The following UCHL3 variants were observed in gnomAD, a reference collection of about 807,000 sequenced individuals.
The protein encoded by UCHL3 is ubiquitin carboxyl-terminal hydrolase isozyme L3.
UCHL3 carries 22 observed loss-of-function variants against 35.8 expected under a neutral mutation model. The ratio of observed to expected loss-of-function variants is 0.61; its 90% confidence interval spans 0.44 to 0.88. The LOEUF is 0.88. Among genes scored for constraint, UCHL3 ranks in the 40% least tolerant of loss-of-function variants. The pLI is 0.00. For synonymous variants in UCHL3, 90 were observed against 92.8 expected (o/e 0.97, Z 0.17); for missense variants, 229 against 276.9 (o/e 0.83, Z 1.23).
chr13:75,577,386 T>G (rs879351886), intron 6 of UCHL3, among the ~76,000 whole-genome samples: 6 of 151,950 alleles, frequency 3.9e-5, no homozygotes, highest in Non-Finnish European at 7.3e-5. Flanking sequence ...TATTAGGTAT[T>G]ACAAGTAATC....
chr13:75,582,978 TG>T (rs1338534280), intron 6 of UCHL3, among the ~76,000 whole-genome samples: 1 of 152,220 alleles, frequency 6.6e-6, no homozygotes, highest in East Asian at 1.9e-4. Flanking sequence ...TGATGTACAC[TG>T]TTATGTCTAT....
At chr13:75,590,002 G>T in intron 6 of UCHL3, 3 of 1,304,796 alleles carry the variant, frequency 2.3e-6, no homozygotes, top group Non-Finnish European at 3.0e-6. Flanking sequence ...TCATCATTGT[G>T]TCACCATGCA....
At chr13:75,567,448 G>T in intron 5 of UCHL3, 136 bp downstream of exon 5, 2 of 703,936 alleles carry the variant, frequency 2.8e-6, no homozygotes, top group Non-Finnish European at 4.7e-6. Flanking sequence ...AAAGCCTTTT[G>T]TACTTTTCAG....
Position 75,605,923 on chromosome 13 carries a change from T to C in UCHL3, c.*111T>C. On this transcript the variant is annotated 3_prime_UTR_variant, in exon 9 of 9. Coordinates refer to ENST00000377595, the MANE Select transcript of UCHL3 (RefSeq NM_006002.5). ...TCATTAACTTGATGATTAAACTTTA[T>C]GTGAGTTAAACTTTGCCTTAACCTG... The C allele has an allele frequency of 1.8e-6, 2 of 1,083,994 alleles. No individual in the cohort carries two copies. Among genetic ancestry groups the C allele is most frequent in the African/African-American group, 1.6e-5 (1 of 63,796 alleles). The allele number at this position is 1,083,994 out of a possible 1,614,324, so 67.1% of individuals were successfully genotyped here. A position where few individuals can be genotyped will look rare whatever the true frequency, so the allele number is the denominator to read the frequency against.
At chr13:75,605,250 A>G (rs2032904717) in intron 8 of UCHL3, among the ~76,000 whole-genome samples, 1 of 152,140 alleles carries the variant, frequency 6.6e-6, no homozygotes. Context: ...GCTCACGGCT[A>G]TAATCCCAGC....
intron 2 of UCHL3, among the ~76,000 whole-genome samples, chr13:75,559,030 C>CTTTTTTTTT (rs34100020): frequency 1.6e-5 from 1 of 64,282 alleles, no homozygotes. Flanking sequence ...GCCCCGGACT[C>CTTTTTTTTT]TTTTTTTTTT....
intron 2 of UCHL3, among the ~76,000 whole-genome samples, chr13:75,557,923 T>C (rs539970211): frequency 6.9e-6 from 1 of 144,228 alleles, no homozygotes; most frequent in Non-Finnish European, 1.5e-5. Flanking sequence ...AAACACAGGG[T>C]TTTTTTTTTT....
intron 2 of UCHL3, among the ~76,000 whole-genome samples, chr13:75,559,225 A>T (rs1157823043): frequency 1.3e-5 from 2 of 151,878 alleles, no homozygotes; most frequent in Non-Finnish European, 2.9e-5. Flanking sequence ...TATTTTTAGT[A>T]GAGACGGGGT....
intron 6 of UCHL3, chr13:75,590,158 T>G: frequency 2.3e-6 from 3 of 1,286,280 alleles, no homozygotes; most frequent in Non-Finnish European, 3.1e-6. Context: ...CCGTCTCTTC[T>G]TCCAGTGACA....
At chr13:75,579,764 A>G (rs1345800749) in intron 6 of UCHL3, among the ~76,000 whole-genome samples, 1 of 152,190 alleles carries the variant, frequency 6.6e-6, no homozygotes, top group Non-Finnish European at 1.5e-5. Context: ...GTGTTTGGTG[A>G]TGGTGAAAGT....
At chr13:75,549,701 T>A, upstream of UCHL3, 2 of 1,219,958 alleles carry the variant, frequency 1.6e-6, no homozygotes, top group Non-Finnish European at 2.2e-6. Flanking sequence ...TTTTTGGTGT[T>A]TAGGCGCTCC....
intron 6 of UCHL3, among the ~76,000 whole-genome samples, chr13:75,593,502 A>T (rs2032565945): frequency 6.6e-6 from 1 of 152,194 alleles, no homozygotes; most frequent in Non-Finnish European, 1.5e-5. Context: ...AAATTCTAAC[A>T]AAACTGTCTA....
intron 6 of UCHL3, among the ~76,000 whole-genome samples, chr13:75,570,004 T>A (rs2138500473): frequency 6.6e-6 from 1 of 152,350 alleles, no homozygotes; most frequent in South Asian, 2.1e-4. Flanking sequence ...CCTTTCCTTC[T>A]CTTGCCTCTT....
chr13:75,579,634 T>C (rs1183101572), intron 6 of UCHL3, among the ~76,000 whole-genome samples: 2 of 152,090 alleles, frequency 1.3e-5, no homozygotes, highest in East Asian at 3.8e-4. Context: ...ATGGAGATAT[T>C]AAATTATTAC....
At chr13:75,574,670 A>C (rs548978556) in intron 6 of UCHL3, among the ~76,000 whole-genome samples, 1 of 152,348 alleles carries the variant, frequency 6.6e-6, no homozygotes, top group South Asian at 2.1e-4. Context: ...GGCATTCAAT[A>C]AATATTAGGC....
intron 5 of UCHL3, among the ~76,000 whole-genome samples, chr13:75,568,510 T>A (rs1217500561): frequency 6.6e-6 from 1 of 151,770 alleles, no homozygotes; most frequent in Non-Finnish European, 1.5e-5. Flanking sequence ...AACAAGAATT[T>A]GATCATACTG....
At chr13:75,553,664 C>G (rs1439646279) in intron 2 of UCHL3, among the ~76,000 whole-genome samples, 14 of 152,142 alleles carry the variant, frequency 9.2e-5, no homozygotes, top group Admixed American at 9.2e-4. Flanking sequence ...GTTCTAATAC[C>G]ATCAATTGTC....
intron 3 of UCHL3, among the ~76,000 whole-genome samples, chr13:75,562,210 ATAAAT>A (rs1024780782): frequency 1.3e-5 from 2 of 152,132 alleles, no homozygotes; most frequent in African/African-American, 4.8e-5. Context: ...TCAATTCAAG[ATAAAT>A]TAAATAACAT....
At chr13:75,587,675 T>C (rs1193133102) in intron 6 of UCHL3, among the ~76,000 whole-genome samples, 1 of 152,212 alleles carries the variant, frequency 6.6e-6, no homozygotes. Context: ...TATGCTTGTT[T>C]TTGTAACTCT....
Sources: allele counts gnomAD v4.1 joint callset (sites outside exome capture counted in the v4.1 genomes callset), GRCh38; gene constraint gnomAD v4.1.1; transcripts MANE v1.5; gene names NCBI Gene and HGNC (gene_info 2026-07-23, HGNC 2026-07-21).